The following DNAAF1 variants were observed in gnomAD, a reference collection of about 807,000 sequenced individuals.
DNAAF1 encodes dynein axonemal assembly factor 1.
Under a neutral mutation model 71.1 loss-of-function variants are expected in DNAAF1, and 65 were observed. The observed-to-expected ratio is 0.91, with a 90% CI of 0.75 to 1.12. The LOEUF (loss-of-function observed/expected upper bound fraction) is 1.12, where lower values mean the gene tolerates loss of function less well. DNAAF1 is among the 50% of genes most tolerant of loss of function. The probability of loss-of-function intolerance (pLI) is 0.00; values close to 1 mark genes in which losing one functional copy is unlikely to be tolerated. For missense variants in DNAAF1, 1,178 were observed against 899.8 expected (o/e 1.31, Z -3.96); for synonymous variants, 414 against 354.6 (o/e 1.17, Z -1.88).
chr16:84,170,819 G>A (rs2088291854), intron 8 of DNAAF1, among the ~76,000 whole-genome samples: 1 of 151,956 alleles, frequency 6.6e-6, no homozygotes, highest in Non-Finnish European at 1.5e-5. Context: ...GTGACAGAGT[G>A]AGACCCTCCC....
intron 5 of DNAAF1, chr16:84,159,034 C>T (rs1215068277): frequency 2.0e-6 from 2 of 987,336 alleles, no homozygotes; most frequent in Non-Finnish European, 2.4e-6. Context: ...CCCAGCCCCA[C>T]TAAGCATTAA....
intron 5 of DNAAF1, among the ~76,000 whole-genome samples, chr16:84,158,183 A>C (rs1285256570): frequency 1.3e-5 from 2 of 152,118 alleles, no homozygotes; most frequent in Non-Finnish European, 2.9e-5. Flanking sequence ...CCAGCCTGGG[A>C]GACAGGCAGA....
chr16:84,166,026 T>C (rs1335254377), intron 7 of DNAAF1, 77 bp downstream of exon 7: 5 of 1,535,534 alleles, frequency 3.3e-6, no homozygotes, highest in South Asian at 1.2e-5. Context: ...ACCCAGTCTT[T>C]AATCTTGGGA....
At position 84,160,103 on chromosome 16, in the gene DNAAF1, C is replaced by T. The variant is rs8058923; in HGVS notation, c.863+307C>T. On this transcript the variant is annotated intron_variant, in intron 6 of 11. Coordinates refer to ENST00000378553, the MANE Select transcript of DNAAF1 (RefSeq NM_178452.6). Reference sequence around the variant, plus strand: ...AAGTGGTTTCAGACTTTGTAAAAACCCTTACAAATATTTTCTAGTTGTTTT... The same window carrying T: ...AAGTGGTTTCAGACTTTGTAAAAACTCTTACAAATATTTTCTAGTTGTTTT... Among the ~76,000 whole-genome samples the T allele has an allele frequency of 0.33, 49,860 of 151,942 alleles. 8,430 individuals are homozygous for T. Among genetic ancestry groups the T allele is most frequent in the East Asian group, 0.42 (2,154 of 5,170 alleles).
In DNAAF1 at chr16:84,155,645, A is replaced by T; in HGVS notation, c.637A>T (p.Ile213Phe). The T allele has an allele frequency of 1.2e-6, 2 of 1,614,200 alleles. No individual in the cohort carries two copies. Among genetic ancestry groups the T allele is most frequent in the Non-Finnish European group, 1.7e-6 (2 of 1,180,040 alleles). The change falls in exon 5 of 12, where the codon ATT becomes TTT. Residue 213 changes from isoleucine (I) to phenylalanine (F), a missense_variant. Ile to Phe is a conservative substitution (Grantham distance 21). Coordinates refer to ENST00000378553, the MANE Select transcript of DNAAF1 (RefSeq NM_178452.6). ...CAATCACCTGGAGACCGTGGAGGAC[A>T]TTCAGCATCTACAAGAGTGTTTGAG... The part of the protein sequence containing the change: ...AHNHLETVED[I>F]QHLQECLRLC...
intron 1 of DNAAF1, among the ~76,000 whole-genome samples, chr16:84,148,270 C>G (rs545731081): frequency 4.6e-5 from 7 of 151,958 alleles, no homozygotes; most frequent in Non-Finnish European, 8.8e-5. Flanking sequence ...GTATCCTGTG[C>G]TTATTTTGAA....
At chr16:84,170,432 G>C in intron 8 of DNAAF1, 76 bp downstream of exon 8, 2 of 1,603,912 alleles carry the variant, frequency 1.2e-6, no homozygotes, top group Non-Finnish European at 1.7e-6. Flanking sequence ...CGTCTCTGTG[G>C]GACCTGGGGC....
chr16:84,171,282 C>A (rs2088328361), intron 8 of DNAAF1, among the ~76,000 whole-genome samples: 1 of 152,096 alleles, frequency 6.6e-6, no homozygotes, highest in Non-Finnish European at 1.5e-5. Context: ...CCGCAACCCC[C>A]AAGCCTCTAC....
At position 84,170,173 on chromosome 16, in the gene DNAAF1, C is replaced by T. The variant is rs1188239671; in HGVS notation, c.1345C>T (p.Pro449Ser). The change falls in exon 8 of 12, where the codon CCC becomes TCC. Residue 449 changes from proline (P) to serine (S), a missense_variant. Coordinates refer to ENST00000378553, the MANE Select transcript of DNAAF1 (RefSeq NM_178452.6). Reference protein sequence around the residue: ...EGTLPAEAPPPPPPVEVKGED... With the variant: ...EGTLPAEAPPSPPPVEVKGED... ...GACCCTCCCAGCTGAGGCCCCACCA[C>T]CCCCGCCACCTGTGGAGGTTAAAGG... 1.2e-6 allele frequency: 2 copies of T among 1,610,442 alleles called. No individual in the cohort carries two copies. Among genetic ancestry groups the T allele is most frequent in the Admixed American group, 1.7e-5 (1 of 59,532 alleles).
At chr16:84,170,651 C>CAG (rs55727333) in intron 8 of DNAAF1, among the ~76,000 whole-genome samples, 1 of 151,592 alleles carries the variant, frequency 6.6e-6, no homozygotes, top group Non-Finnish European at 1.5e-5. Context: ...CTCAGAAATA[C>CAG]AGAGACCTCA....
At chr16:84,170,740 G>A (rs2088286702) in intron 8 of DNAAF1, among the ~76,000 whole-genome samples, 1 of 152,174 alleles carries the variant, frequency 6.6e-6, no homozygotes, top group Non-Finnish European at 1.5e-5. Context: ...GCTGAGGCAA[G>A]AGGATTGCTT....
chr16:84,149,112 C>G lies in DNAAF1; in HGVS notation c.230C>G (p.Pro77Arg), dbSNP rs1210838568. The G allele has an allele frequency of 9.3e-6, 15 of 1,613,914 alleles. No individual in the cohort carries two copies. The highest frequency in any genetic ancestry group is 1.3e-5 in the Non-Finnish European group (15 of 1,180,040). Reference protein sequence around the residue: ...DNGSGGHFAHPREDREDRGPR... With the variant: ...DNGSGGHFAHRREDREDRGPR... ...GGGTCAGGTGGTCACTTCGCACACC[C>G]AAGAGAAGACAGGGAAGATCGGGGC... is the stretch of plus-strand genomic sequence containing the variant. The change falls in exon 2 of 12, where the codon CCA (proline) becomes CGA (arginine). Residue 77 changes from proline (P) to arginine (R), a missense_variant. Transcript: ENST00000378553.
At chr16:84,174,457 C>T in intron 9 of DNAAF1, 1 of 1,431,150 alleles carries the variant, frequency 7.0e-7, no homozygotes, top group Non-Finnish European at 9.1e-7. Context: ...AGTTCCCTTT[C>T]ATTTATTAGA....
At chr16:84,157,160 C>A (rs1366275508) in intron 5 of DNAAF1, among the ~76,000 whole-genome samples, 2 of 152,004 alleles carry the variant, frequency 1.3e-5, no homozygotes, top group Admixed American at 6.6e-5. Flanking sequence ...ATTATGAACG[C>A]ATACATTTAT....
chr16:84,154,427 A>G, intron 3 of DNAAF1, 150 bp from the exon 4 acceptor site: 1 of 747,016 alleles, frequency 1.3e-6, no homozygotes, highest in Non-Finnish European at 2.3e-6. Context: ...CCACCTCCTA[A>G]TACCATCACA....
In DNAAF1 at chr16:84,149,793, G is replaced by A. The variant is rs537506708; in HGVS notation, c.261-458G>A. 5.3e-5 allele frequency among the ~76,000 whole-genome samples: 8 copies of A among 152,130 alleles called. No individual in the cohort carries two copies. In the East Asian group the frequency reaches 1.5e-3, roughly 29 times the overall value. Reference sequence around the variant, plus strand: ...TAATCCCAGTACTTTGGGAGGCCAAGGTGGGTGGATCACCTGACGTCAGGA... The same window carrying A: ...TAATCCCAGTACTTTGGGAGGCCAAAGTGGGTGGATCACCTGACGTCAGGA... On this transcript the variant is annotated intron_variant, in intron 2 of 11. Coordinates refer to ENST00000378553, the MANE Select transcript of DNAAF1 (RefSeq NM_178452.6).
Position 84,159,675 on chromosome 16 carries a change from C to A in DNAAF1, c.742C>A (p.Arg248Ser), listed in dbSNP as rs146766692. 43 of 1,610,430 alleles carry A rather than the reference C, an allele frequency of 2.7e-5. No homozygotes were observed. The highest frequency in any genetic ancestry group is 3.5e-5 in the Non-Finnish European group (41 of 1,177,982). Residue 248 changes from arginine (R) to serine (S), a missense_variant and splice_region_variant, in exon 6 of 12, where the codon CGT becomes AGT. By Grantham distance (110) the Arg-to-Ser change is moderately radical. Transcript: ENST00000378553. ...LSILESMPDL[R>S]VLNLMGNPVI... The stretch of plus-strand genomic sequence containing the variant: ...TTTGGTTCTGCTTGTCTTCTTGCAG[C>A]GTGTACTGAATTTGATGGGAAACCC...
At chr16:84,164,182 G>A (rs182284655) in intron 6 of DNAAF1, among the ~76,000 whole-genome samples, 25 of 151,378 alleles carry the variant, frequency 1.7e-4, no homozygotes, top group Admixed American at 1.2e-3. Context: ...TATACCACCC[G>A]CCCTCACTGT....
At chr16:84,170,454 T>C in intron 8 of DNAAF1, 98 bp downstream of exon 8, 1 of 1,559,114 alleles carries the variant, frequency 6.4e-7, no homozygotes, top group South Asian at 1.1e-5. Flanking sequence ...TGAGTTTCAC[T>C]TCTTCTGTAT....
Sources: gnomAD v4.1 joint callset for allele counts (sites outside exome capture counted in the v4.1 genomes callset) on GRCh38, gnomAD v4.1.1 for gene constraint, MANE v1.5 for transcripts, NCBI Gene and HGNC (gene_info 2026-07-23, HGNC 2026-07-21) for gene names.